IFI6: variants seen among roughly 807,000 people sequenced by gnomAD.
IFI6 encodes the protein interferon alpha-inducible protein 6.
Under a neutral mutation model 12.7 loss-of-function variants are expected in IFI6, and 10 were observed. The ratio of observed to expected loss-of-function variants is 0.79; its 90% CI spans 0.49 to 1.33. IFI6 has a LOEUF of 1.33. Among genes scored for constraint, IFI6 ranks in the 40% most tolerant of loss-of-function variants. The probability of loss-of-function intolerance (pLI) is 0.00; values close to 1 mark genes in which losing one functional copy is unlikely to be tolerated. For synonymous variants in IFI6, 89 were observed against 86.2 expected, an observed-to-expected ratio of 1.03 and a Z score of -0.18; for missense variants, 154 against 180.4, an observed-to-expected ratio of 0.85 and a Z score of 0.84.
At chr1:27,671,956 C>A (rs1051228988) in intron 1 of IFI6, among the ~76,000 whole-genome samples, 167 bp downstream of exon 1, 7 of 152,178 alleles carry the variant, frequency 4.6e-5, no homozygotes, top group South Asian at 2.1e-4. Context: ...AATCTCCAAC[C>A]CATCCTCTTA....
chr1:27,666,265 G>C lies in IFI6; in HGVS notation c.*116C>G. On this transcript the variant is annotated 3_prime_UTR_variant, in exon 5 of 5. Coordinates refer to ENST00000361157, the MANE Select transcript of IFI6 (RefSeq NM_002038.4). ...GTGAATAGCCACTGCACTCTAGCCTGGACAATATAGTGAGAACCCATCTCA... is the reference window on the plus strand; with the variant it reads ...GTGAATAGCCACTGCACTCTAGCCTCGACAATATAGTGAGAACCCATCTCA... The C allele has an allele frequency of 1.7e-6, 1 of 595,964 alleles. No homozygotes were observed. The highest frequency in any genetic ancestry group is 2.7e-6 in the Non-Finnish European group (1 of 373,288). The allele number at this position is 595,964 out of a possible 1,614,324, so 36.9% of individuals were successfully genotyped here. A position where few individuals can be genotyped will look rare whatever the true frequency, so the allele number is the denominator to read the frequency against.
Position 27,669,275 on chromosome 1 carries a change from G to C in IFI6, c.40C>G (p.Leu14Val), listed in dbSNP as rs1449236068. The change falls in exon 2 of 5, where the codon CTG (leucine) becomes GTG (valine). Residue 14 changes from leucine to valine, a missense_variant. Coordinates refer to ENST00000361157, the MANE Select transcript of IFI6 (RefSeq NM_002038.4). ...TCCACCCCACTGCAAGTGAAGAGCA[G>C]CAGGTAGCACAAGAAAAGCGATACC... ...KAVSLFLCYLLLFTCSGVEAG... is the reference protein window; with the variant it reads ...KAVSLFLCYLVLFTCSGVEAG... 1.9e-6 allele frequency: 3 copies of C among 1,552,106 alleles called. No homozygotes were observed. The highest frequency in any genetic ancestry group is 2.6e-6 in the Non-Finnish European group (3 of 1,147,202).
At chr1:27,666,876 C>T (rs1350498131) in intron 4 of IFI6, among the ~76,000 whole-genome samples, 2 of 152,126 alleles carry the variant, frequency 1.3e-5, no homozygotes, top group Admixed American at 6.5e-5. Context: ...CCACACTCTT[C>T]CCCTCCCATT....
chr1:27,670,781 G>A (rs1335840647), intron 1 of IFI6, among the ~76,000 whole-genome samples: 2 of 152,050 alleles, frequency 1.3e-5, no homozygotes, highest in African/African-American at 4.8e-5. Context: ...CATTACATAG[G>A]CATGACTGAT....
chr1:27,666,106 T>C lies in IFI6; in HGVS notation c.*275A>G. On this transcript the variant is annotated 3_prime_UTR_variant, in exon 5 of 5. Transcript: ENST00000361157. ...TTATTCTGTTTTCACATCTAGGTTG[T>C]TGGGGAGAGTGATAGACAAAGTTCT... is the stretch of plus-strand genomic sequence containing the variant. The C allele has an allele frequency of 6.1e-6, 2 of 325,502 alleles. No individual in the cohort carries two copies. The highest frequency in any genetic ancestry group is 1.1e-5 in the Non-Finnish European group (2 of 176,470). The allele number at this position is 325,502 out of a possible 1,614,324, so 20.2% of individuals were successfully genotyped here. A position where few individuals can be genotyped will look rare whatever the true frequency, so the allele number is the denominator to read the frequency against.
Position 27,669,356 on chromosome 1 carries a change from G to A in IFI6, c.-32-10C>T, listed in dbSNP as rs372383819. The A allele has an allele frequency of 1.3e-6, 2 of 1,519,026 alleles. No individual in the cohort carries two copies. The highest frequency in any genetic ancestry group is 1.7e-4 in the Middle Eastern group (1 of 5,928). The allele number at this position is 1,519,026 out of a possible 1,614,324, so 94.1% of individuals were successfully genotyped here. ...GGCTCCGTCACTAGACCTGCGAACG[G>A]GCGAGAGGGAGATGGTCCCCGGAGC... On this transcript the variant is annotated splice_polypyrimidine_tract_variant and intron_variant, in intron 1 of 4. Coordinates refer to ENST00000361157, the MANE Select transcript of IFI6 (RefSeq NM_002038.4).
chr1:27,668,231 C>T lies in IFI6; in HGVS notation c.293G>A (p.Ser98Asn). ...PAGGLVATLQ[S>N]LGAGGSSVVI... The stretch of plus-strand genomic sequence containing the variant: ...GGCCCAGGCCCCGCACTCACCGAGG[C>T]TCTGCAGCGTGGCCACTAGCCCCCC... Residue 98 changes from serine to asparagine, a missense_variant, in exon 4 of 5, where the codon AGC (serine) becomes AAC (asparagine). By Grantham distance (46) the Ser-to-Asn change is conservative. Coordinates refer to ENST00000361157, the MANE Select transcript of IFI6 (RefSeq NM_002038.4). The T allele has an allele frequency of 3.2e-6, 5 of 1,553,780 alleles. No individual in the cohort carries two copies. Among genetic ancestry groups the T allele is most frequent in the Non-Finnish European group, 4.3e-6 (5 of 1,156,038 alleles).
Position 27,669,363 on chromosome 1 carries a change from G to C in IFI6, c.-32-17C>G. ...TCACTAGACCTGCGAACGGGCGAGA[G>C]GGAGATGGTCCCCGGAGCATTTTTG... On this transcript the variant is annotated splice_polypyrimidine_tract_variant and intron_variant, in intron 1 of 4. Coordinates refer to ENST00000361157, the MANE Select transcript of IFI6 (RefSeq NM_002038.4). The C allele has an allele frequency of 1.4e-6, 2 of 1,407,548 alleles. No homozygotes were observed. Among genetic ancestry groups the C allele is most frequent in the South Asian group, 1.2e-5 (1 of 82,184 alleles). 87.2% of individuals were successfully genotyped at this position (1,407,548 alleles called of 1,614,324 possible).
intron 1 of IFI6, chr1:27,669,984 G>A (rs137992809): frequency 2.0e-5 from 3 of 152,462 alleles, no homozygotes; most frequent in African/African-American, 7.2e-5. Context: ...CAGCAGAAGT[G>A]TGGGGGTTTC....
chr1:27,668,615 A>T (rs1481469947), intron 2 of IFI6, 80 bp from the exon 3 acceptor site: 7 of 1,167,082 alleles, frequency 6.0e-6, no homozygotes, highest in Non-Finnish European at 7.4e-6. Context: ...GATGCTCAGG[A>T]CCACTCCTGG....
chr1:27,666,119 T>C lies in IFI6; in HGVS notation c.*262A>G, dbSNP rs2090348596. 2 of 359,724 alleles carry C rather than the reference T, an allele frequency of 5.6e-6. No homozygotes were observed. The highest frequency in any genetic ancestry group is 2.1e-5 in the African/African-American group (1 of 47,348). The allele number at this position is 359,724 out of a possible 1,614,324, so 22.3% of individuals were successfully genotyped here. A position where few individuals can be genotyped will look rare whatever the true frequency, so the allele number is the denominator to read the frequency against. On this transcript the variant is annotated 3_prime_UTR_variant, in exon 5 of 5. Coordinates refer to ENST00000361157, the MANE Select transcript of IFI6 (RefSeq NM_002038.4). ...ACATCTAGGTTGTTGGGGAGAGTGA[T>C]AGACAAAGTTCTGGATTCTGGGCAT...
In IFI6 at chr1:27,666,358, G is replaced by T; in HGVS notation, c.*23C>A. 1 of 1,307,886 alleles carries T rather than the reference G, an allele frequency of 7.6e-7. No homozygotes were observed. The highest frequency in any genetic ancestry group is 1.1e-6 in the Non-Finnish European group (1 of 925,008). 81.0% of individuals were successfully genotyped at this position (1,307,886 alleles called of 1,614,324 possible). A position where few individuals can be genotyped will look rare whatever the true frequency, so the allele number is the denominator to read the frequency against. ...CTGGAAGAGTTAGGCCAAGAAGGAA[G>T]AAGAGGTTCTGGGAGCTGCTGGCTA... On this transcript the variant is annotated 3_prime_UTR_variant, in exon 5 of 5. Transcript: ENST00000361157.
At chr1:27,667,796 C>A (rs947865146) in intron 4 of IFI6, among the ~76,000 whole-genome samples, 1 of 152,186 alleles carries the variant, frequency 6.6e-6, no homozygotes, top group South Asian at 2.1e-4. Context: ...TCTGGCCGGA[C>A]GCGGTGACTC....
chr1:27,669,427 C>A, intron 1 of IFI6, 81 bp from the exon 2 acceptor site: 2 of 837,324 alleles, frequency 2.4e-6, no homozygotes, highest in Non-Finnish European at 3.9e-6. Flanking sequence ...CCAGTTCCAA[C>A]TGAATCAGTA....
rs760617632 is a variant in IFI6 at position 27,666,412 on chromosome 1, T to C, written c.362A>G (p.Lys121Arg). 1.5e-5 allele frequency: 24 copies of C among 1,612,810 alleles called. No homozygotes were observed. Among genetic ancestry groups the C allele is most frequent in the Non-Finnish European group, 2.0e-5 (24 of 1,179,518 alleles). Reference protein sequence around the residue: ...IGALMGYATHKYLDSEEDEE With the variant: ...IGALMGYATHRYLDSEEDEE The stretch of plus-strand genomic sequence containing the variant: ...CTCATCCTCCTCACTATCGAGATAC[T>C]TGTGGGTGGCGTAGCCCATCAGGGC... The change falls in exon 5 of 5, where the codon AAG becomes AGG. Residue 121 changes from lysine (K) to arginine (R), a missense_variant. Transcript: ENST00000361157.
intron 1 of IFI6, among the ~76,000 whole-genome samples, chr1:27,671,409 C>A (rs1459452053): frequency 7.3e-6 from 1 of 136,780 alleles, no homozygotes. Context: ...GAGATGGAGT[C>A]TTTCTCTGTC....
intron 4 of IFI6, 93 bp from the exon 5 acceptor site, chr1:27,666,568 T>A: frequency 1.2e-6 from 1 of 814,910 alleles, no homozygotes; most frequent in Non-Finnish European, 2.0e-6. Flanking sequence ...CAACCCCTTA[T>A]GTCTAGATGG....
chr1:27,670,998 C>T (rs377586850), intron 1 of IFI6, among the ~76,000 whole-genome samples: 1 of 152,182 alleles, frequency 6.6e-6, no homozygotes, highest in African/African-American at 2.4e-5. Flanking sequence ...AAAGGTCACA[C>T]AGCAAATTGT....
chr1:27,669,656 G>T, intron 1 of IFI6: 1 of 337,730 alleles, frequency 3.0e-6, no homozygotes, highest in Admixed American at 4.4e-5. Flanking sequence ...ACCTTGGGCA[G>T]GATACTAGGG....
Sources: gnomAD v4.1 joint callset for allele counts (sites outside exome capture counted in the v4.1 genomes callset) on GRCh38, gnomAD v4.1.1 for gene constraint, MANE v1.5 for transcripts, NCBI Gene and HGNC (gene_info 2026-07-23, HGNC 2026-07-21) for gene names.